The following RBFOX1 variants were observed in gnomAD, a reference collection of about 807,000 sequenced individuals.
The protein encoded by RBFOX1 is RNA binding fox-1 homolog 1.
A neutral mutation model predicts 57.7 loss-of-function variants in RBFOX1; 8 were observed. The observed-to-expected ratio is 0.14, with a 90% CI of 0.08 to 0.25. RBFOX1 has a LOEUF of 0.25. Ranked by LOEUF, RBFOX1 falls within the 10% of genes least tolerant of loss-of-function variation. RBFOX1 has a pLI of 1.00. For synonymous variants in RBFOX1, 326 were observed against 222.4 expected (o/e 1.47, Z -4.15); for missense variants, 611 against 548.5 (o/e 1.11, Z -1.14).
Position 5,908,181 on chromosome 16 carries a change from TATATACACATATATAC to T in RBFOX1, c.351+40856_351+40871del, listed in dbSNP as rs1567133747. ...ACATATATATACACATATATACACA[TATATACACATATATAC>T]ATATACACACATATATATACATATA... On this transcript the variant is annotated intron_variant, in intron 4 of 19. Transcript: ENST00000641259. 1.7e-3 allele frequency among the ~76,000 whole-genome samples: 177 copies of T among 107,030 alleles called. 1 individual carries two copies. Among genetic ancestry groups the T allele is most frequent in the African/African-American group, 5.4e-3 (168 of 30,944 alleles). 70.2% of individuals were successfully genotyped at this position (107,030 alleles called of 152,430 possible). A position where few individuals can be genotyped will look rare whatever the true frequency, so the allele number is the denominator to read the frequency against.
At chr16:6,975,094 C>G (rs943761713) in intron 3 of RBFOX1, among the ~76,000 whole-genome samples, 1 of 152,104 alleles carries the variant, frequency 6.6e-6, no homozygotes, top group African/African-American at 2.4e-5. Flanking sequence ...AAAACCTCAA[C>G]AACACCTCAG....
At chr16:7,144,285 T>C (rs1184421559) in intron 4 of RBFOX1, among the ~76,000 whole-genome samples, 3 of 152,162 alleles carry the variant, frequency 2.0e-5, no homozygotes, top group Non-Finnish European at 4.4e-5. Flanking sequence ...CCCAGAGGAA[T>C]TGATATATGC....
intron 3 of RBFOX1, among the ~76,000 whole-genome samples, chr16:6,741,277 C>G (rs896945331): frequency 1.3e-5 from 2 of 152,148 alleles, no homozygotes; most frequent in Non-Finnish European, 2.9e-5. Flanking sequence ...ATAAAACTTT[C>G]AGGCAATCCT....
chr16:7,688,294 C>T (rs1022934101), intron 14 of RBFOX1, among the ~76,000 whole-genome samples: 4 of 147,458 alleles, frequency 2.7e-5, no homozygotes, highest in Admixed American at 2.0e-4. Context: ...ATTCAATATT[C>T]ATAGCATTGG....
chr16:7,016,278 C>A (rs553701696), intron 3 of RBFOX1, among the ~76,000 whole-genome samples: 1 of 152,200 alleles, frequency 6.6e-6, no homozygotes, highest in Admixed American at 6.5e-5. Flanking sequence ...CTGTCTCGGA[C>A]ATGTGGTAGA....
chr16:5,446,779 A>T (rs2068252814), intron 1 of RBFOX1, among the ~76,000 whole-genome samples: 5 of 152,136 alleles, frequency 3.3e-5, no homozygotes, highest in Admixed American at 2.0e-4. Context: ...CACCGCCAAG[A>T]TGACAGTCTA....
At chr16:5,884,104 G>A (rs1239509437) in intron 4 of RBFOX1, among the ~76,000 whole-genome samples, 1 of 152,198 alleles carries the variant, frequency 6.6e-6, no homozygotes, top group African/African-American at 2.4e-5. Context: ...TTATCAAGGT[G>A]AGGATTAAAT....
At chr16:5,428,088 G>C (rs1231487035) in intron 1 of RBFOX1, among the ~76,000 whole-genome samples, 4 of 151,826 alleles carry the variant, frequency 2.6e-5, no homozygotes, top group African/African-American at 9.7e-5. Context: ...AAGCACCCCT[G>C]GGGGTGGCTC....
intron 3 of RBFOX1, among the ~76,000 whole-genome samples, chr16:6,976,787 A>ATG (rs2086998156): frequency 7.8e-6 from 1 of 128,402 alleles, no homozygotes; most frequent in Non-Finnish European, 1.5e-5. Flanking sequence ...TCAATATATT[A>ATG]TATATATGAT....
At chr16:6,770,971 T>G (rs1435882611) in intron 3 of RBFOX1, among the ~76,000 whole-genome samples, 1 of 152,130 alleles carries the variant, frequency 6.6e-6, no homozygotes, top group African/African-American at 2.4e-5. Context: ...ATTCAAATGC[T>G]CAAATTCTCA....
chr16:6,428,934 T>C (rs1366183802), intron 2 of RBFOX1, among the ~76,000 whole-genome samples: 1 of 152,158 alleles, frequency 6.6e-6, no homozygotes, highest in African/African-American at 2.4e-5. Flanking sequence ...TATTCTTAGA[T>C]CACAGCGCAT....
chr16:6,263,076 A>T (rs777387971), intron 1 of RBFOX1, among the ~76,000 whole-genome samples: 2 of 152,116 alleles, frequency 1.3e-5, no homozygotes, highest in Non-Finnish European at 2.9e-5. Context: ...CCCAAGACTG[A>T]AATGGGGAAA....
chr16:7,670,541 T>TGG (rs2071055966), intron 13 of RBFOX1, among the ~76,000 whole-genome samples: 1 of 151,774 alleles, frequency 6.6e-6, no homozygotes, highest in African/African-American at 2.4e-5. Context: ...CATAACGGGG[T>TGG]GGTTAGACCA....
intron 10 of RBFOX1, among the ~76,000 whole-genome samples, chr16:7,624,374 G>C (rs10492762): frequency 0.39 from 59,987 of 152,090 alleles, 14,016 homozygotes; most frequent in Non-Finnish European, 0.51. Flanking sequence ...ACTTATCTTA[G>C]TGAGCAGTGT....
At chr16:7,585,120 C>T (rs554850983) in intron 6 of RBFOX1, among the ~76,000 whole-genome samples, 2 of 152,250 alleles carry the variant, frequency 1.3e-5, no homozygotes, top group Non-Finnish European at 1.5e-5. Flanking sequence ...CTTCTAGGCT[C>T]TTATGCCTGA....
At chr16:7,152,227 A>G (rs1481557773) in intron 4 of RBFOX1, among the ~76,000 whole-genome samples, 1 of 152,232 alleles carries the variant, frequency 6.6e-6, no homozygotes, top group African/African-American at 2.4e-5. Flanking sequence ...CCATGCGTCC[A>G]TAGCGGTAGC....
intron 1 of RBFOX1, among the ~76,000 whole-genome samples, chr16:5,346,455 T>C (rs1464735847): frequency 3.3e-5 from 5 of 152,222 alleles, no homozygotes; most frequent in Admixed American, 3.3e-4. Context: ...AAGGGATGCA[T>C]GGGATTTCAC....
intron 3 of RBFOX1, among the ~76,000 whole-genome samples, chr16:5,676,085 G>T (rs1222268558): frequency 6.6e-6 from 1 of 152,116 alleles, no homozygotes; most frequent in Admixed American, 6.5e-5. Flanking sequence ...ACCAGGGCCT[G>T]CTGGGGCATT....
rs118032600 is a variant in RBFOX1, at chr16:7,355,980, G to A, written c.28-162167G>A. ...TTTCAGTGAGAGAGGGCATTTACTT[G>A]GGTAAATACGGCCCATGCACTGTGC... On this transcript the variant is annotated intron_variant, in intron 4 of 15. Transcript: ENST00000550418. Among the ~76,000 whole-genome samples the A allele has an allele frequency of 1.4e-4, 22 of 152,310 alleles. No individual in the cohort carries two copies. In the East Asian group the frequency reaches 1.7e-3, roughly 12 times the overall value.
Sources: allele counts gnomAD v4.1 joint callset (sites outside exome capture counted in the v4.1 genomes callset), GRCh38; gene constraint gnomAD v4.1.1; transcripts MANE v1.5; gene names NCBI Gene and HGNC (gene_info 2026-07-23, HGNC 2026-07-21).